The following RABGAP1L variants were observed in gnomAD, a reference collection of about 807,000 sequenced individuals.
RABGAP1L encodes the protein RAB GTPase activating protein 1 like.
A neutral mutation model predicts 137.7 loss-of-function variants in RABGAP1L; 63 were observed. That is an observed-to-expected ratio of 0.46 (90% CI 0.37 to 0.56). The LOEUF is 0.56. RABGAP1L is among the 20% of genes least tolerant of loss of function. The probability of loss-of-function intolerance (pLI) is 0.00; values close to 1 mark genes in which losing one functional copy is unlikely to be tolerated. For missense variants in RABGAP1L, 1,095 were observed against 1,244.0 expected, an observed-to-expected ratio of 0.88 and a Z score of 1.80; for synonymous variants, 431 against 433.7, an observed-to-expected ratio of 0.99 and a Z score of 0.08.
At chr1:174,683,889 C>G (rs1172361233) in intron 15 of RABGAP1L, among the ~76,000 whole-genome samples, 1 of 152,110 alleles carries the variant, frequency 6.6e-6, no homozygotes, top group Non-Finnish European at 1.5e-5. Flanking sequence ...AATATCAGGA[C>G]CTGGACCATT....
intron 1 of RABGAP1L, among the ~76,000 whole-genome samples, chr1:174,162,621 C>T (rs539044655): frequency 1.3e-5 from 2 of 152,140 alleles, no homozygotes; most frequent in South Asian, 4.2e-4. Flanking sequence ...ATGGGATTCC[C>T]AGGCACAGAG....
intron 13 of RABGAP1L, among the ~76,000 whole-genome samples, chr1:174,488,161 A>T (rs1325078723): frequency 1.3e-5 from 2 of 151,946 alleles, no homozygotes; most frequent in African/African-American, 4.8e-5. Context: ...TTGCTCATTA[A>T]TGTCCTTTTC....
intron 14 of RABGAP1L, among the ~76,000 whole-genome samples, chr1:174,673,458 A>G (rs1677337311): frequency 6.6e-6 from 1 of 152,168 alleles, no homozygotes; most frequent in Non-Finnish European, 1.5e-5. Flanking sequence ...ACATGTAAAA[A>G]TAGATAAACG....
At chr1:174,773,911 T>G (rs1686317890) in intron 18 of RABGAP1L, among the ~76,000 whole-genome samples, 1 of 152,214 alleles carries the variant, frequency 6.6e-6, no homozygotes. Context: ...TGTCAGAGGA[T>G]TCACTGCCCA....
chr1:174,874,474 G>C, intron 19 of RABGAP1L: 1 of 984,642 alleles, frequency 1.0e-6, no homozygotes, highest in Non-Finnish European at 1.2e-6. Context: ...AGTGTGGCTG[G>C]TTTCTGTTGC....
At chr1:174,458,813 C>T (rs1656335080) in intron 13 of RABGAP1L, among the ~76,000 whole-genome samples, 1 of 152,046 alleles carries the variant, frequency 6.6e-6, no homozygotes, top group South Asian at 2.1e-4. Flanking sequence ...TATTAAACTT[C>T]TCATCAATAA....
chr1:174,548,245 C>CT (rs1666178791), intron 13 of RABGAP1L: 1 of 1,400,964 alleles, frequency 7.1e-7, no homozygotes, highest in South Asian at 1.7e-5. Flanking sequence ...GCCAAGTAAT[C>CT]TAAGATTCTG....
intron 14 of RABGAP1L, among the ~76,000 whole-genome samples, chr1:174,668,464 A>T (rs935051096): frequency 1.3e-5 from 2 of 152,148 alleles, no homozygotes; most frequent in African/African-American, 4.8e-5. Flanking sequence ...GCTGAGTAGT[A>T]TTCCATTGTA....
At chr1:174,586,381 G>C (rs1311441239) in intron 13 of RABGAP1L, among the ~76,000 whole-genome samples, 1 of 147,190 alleles carries the variant, frequency 6.8e-6, no homozygotes, top group African/African-American at 2.5e-5. Flanking sequence ...TACACACTGG[G>C]ACCTGTCAGG....
At chr1:174,513,831 T>C (rs1171928290) in intron 13 of RABGAP1L, among the ~76,000 whole-genome samples, 1 of 152,170 alleles carries the variant, frequency 6.6e-6, no homozygotes, top group Non-Finnish European at 1.5e-5. Flanking sequence ...ATAAATTTCT[T>C]TAAAATGTAT....
intron 19 of RABGAP1L, among the ~76,000 whole-genome samples, chr1:174,905,218 G>A (rs1468872426): frequency 6.6e-6 from 1 of 152,132 alleles, no homozygotes; most frequent in Non-Finnish European, 1.5e-5. Context: ...GCAAATACTA[G>A]AATAAATAAC....
intron 13 of RABGAP1L, among the ~76,000 whole-genome samples, chr1:174,634,784 C>A (rs1424670438): frequency 6.9e-6 from 1 of 145,044 alleles, no homozygotes; most frequent in South Asian, 2.2e-4. Flanking sequence ...ATTGCAAGAA[C>A]AAAAAAGCAA....
chr1:174,474,249 T>A (rs985000354), intron 13 of RABGAP1L, among the ~76,000 whole-genome samples: 7 of 152,230 alleles, frequency 4.6e-5, no homozygotes, highest in Non-Finnish European at 1.0e-4. Flanking sequence ...TTTCGAATGG[T>A]TCTCTGTTAA....
intron 13 of RABGAP1L, among the ~76,000 whole-genome samples, chr1:174,435,494 A>G (rs1046349554): frequency 3.3e-5 from 5 of 152,050 alleles, no homozygotes; most frequent in Non-Finnish European, 7.4e-5. Flanking sequence ...AGATTATTCA[A>G]ATTTTTCTAA....
In RABGAP1L at chr1:174,546,986, C is replaced by T. The variant is rs558125630; in HGVS notation, c.1711-90389C>T. Among the ~76,000 whole-genome samples the T allele has an allele frequency of 5.2e-5, 7 of 135,700 alleles. No individual in the cohort carries two copies. The South Asian group carries it at 9.5e-4, about 18-fold the overall frequency. 89.0% of individuals were successfully genotyped at this position (135,700 alleles called of 152,430 possible). On this transcript the variant is annotated intron_variant, in intron 13 of 25. Coordinates refer to ENST00000681986, the MANE Select transcript of RABGAP1L (RefSeq NM_001366446.1). ...CGGAGCTTGCAGTGAGCAGAGATCG[C>T]GCCACTGCACTCCAGCCTGGGCGAA...
chr1:174,509,576 A>AT (rs529714183), intron 13 of RABGAP1L, among the ~76,000 whole-genome samples: 1 of 151,750 alleles, frequency 6.6e-6, no homozygotes, highest in Non-Finnish European at 1.5e-5. Context: ...TCTCAGTCCC[A>AT]TTTTTTCCCC....
intron 14 of RABGAP1L, among the ~76,000 whole-genome samples, chr1:174,644,079 C>G (rs1674757928): frequency 6.6e-6 from 1 of 151,596 alleles, no homozygotes; most frequent in African/African-American, 2.4e-5. Context: ...TTTTTTGGTC[C>G]TCTTTAATAT....
At chr1:174,588,364 C>T (rs1669287382) in intron 13 of RABGAP1L, among the ~76,000 whole-genome samples, 1 of 151,554 alleles carries the variant, frequency 6.6e-6, no homozygotes, top group Non-Finnish European at 1.5e-5. Context: ...GGGGTTTCAT[C>T]ATGTTGGCCA....
chr1:174,353,023 A>T (rs1027121609), intron 11 of RABGAP1L, among the ~76,000 whole-genome samples: 5 of 152,174 alleles, frequency 3.3e-5, no homozygotes, highest in African/African-American at 1.2e-4. Context: ...GTTCTTTATC[A>T]GACCTGAAGC....
Sources: gnomAD v4.1 joint callset for allele counts (sites outside exome capture counted in the v4.1 genomes callset) on GRCh38, gnomAD v4.1.1 for gene constraint, MANE v1.5 for transcripts, NCBI Gene and HGNC (gene_info 2026-07-23, HGNC 2026-07-21) for gene names.